The following NGEF variants were observed in gnomAD, a reference collection of about 807,000 sequenced individuals.
NGEF encodes ephexin-1.
In NGEF, 31 loss-of-function variants were observed where a neutral mutation model predicts 80.9. That is an observed-to-expected ratio of 0.38 (90% CI 0.29 to 0.52). The LOEUF is 0.52. Ranked by LOEUF, NGEF falls within the 20% of genes least tolerant of loss-of-function variation. The probability of loss-of-function intolerance (pLI) is 0.84; values close to 1 mark genes in which losing one functional copy is unlikely to be tolerated. For synonymous variants in NGEF, 371 were observed against 370.2 expected (o/e 1.00, Z -0.03); for missense variants, 709 against 926.2 (o/e 0.77, Z 3.04).
At chr2:232,949,591 C>T (rs1693634972) in intron 3 of NGEF, among the ~76,000 whole-genome samples, 1 of 149,992 alleles carries the variant, frequency 6.7e-6, no homozygotes, top group African/African-American at 2.5e-5. Context: ...GATTCTCCTG[C>T]CTCAGCCTCC....
intron 2 of NGEF, among the ~76,000 whole-genome samples, chr2:232,970,954 T>C (rs1411410295): frequency 6.6e-6 from 1 of 152,244 alleles, no homozygotes; most frequent in Non-Finnish European, 1.5e-5. Flanking sequence ...CGATTGGTGT[T>C]ATTTCTACTG....
intron 1 of NGEF, 196 bp downstream of exon 1, chr2:233,012,872 G>T: frequency 2.1e-6 from 1 of 471,030 alleles, no homozygotes; most frequent in South Asian, 1.5e-5. Flanking sequence ...TGAGTGCCAG[G>T]AGGGGCAGTG....
intron 3 of NGEF, among the ~76,000 whole-genome samples, chr2:232,962,163 G>C (rs541680997): frequency 1.2e-4 from 19 of 152,350 alleles, no homozygotes; most frequent in Non-Finnish European, 2.4e-4. Flanking sequence ...TACTCTCACT[G>C]CTTCTATTCA....
chr2:232,907,188 G>A (rs77509868), intron 5 of NGEF, among the ~76,000 whole-genome samples: 824 of 112,824 alleles, frequency 7.3e-3, no homozygotes, highest in Middle Eastern at 0.02. Context: ...AGAAAAAAAA[G>A]AAAAAAAAAA....
chr2:232,920,259 G>A (rs779041290), intron 5 of NGEF, 25 bp downstream of exon 5: 1 of 1,594,560 alleles, frequency 6.3e-7, no homozygotes, highest in East Asian at 2.2e-5. Flanking sequence ...CTGTGGGGGA[G>A]CCCCCGCCCC....
At chr2:232,998,576 G>A (rs1054788024) in intron 1 of NGEF, among the ~76,000 whole-genome samples, 15 of 152,198 alleles carry the variant, frequency 9.9e-5, no homozygotes, top group South Asian at 4.1e-4. Context: ...GCTACAGTCC[G>A]CTCAGTAAAG....
chr2:232,889,593 A>G (rs1004744053), intron 8 of NGEF, among the ~76,000 whole-genome samples: 4 of 152,230 alleles, frequency 2.6e-5, no homozygotes, highest in Admixed American at 1.3e-4. Context: ...TTTTCACTGC[A>G]TAATTAGGAA....
intron 3 of NGEF, among the ~76,000 whole-genome samples, chr2:232,927,496 C>T (rs909707822): frequency 6.6e-6 from 1 of 152,304 alleles, no homozygotes; most frequent in East Asian, 1.9e-4. Flanking sequence ...GGCGCCGCTC[C>T]GACAGCCCGA....
At chr2:232,954,947 C>T (rs558298325) in intron 3 of NGEF, among the ~76,000 whole-genome samples, 1 of 152,046 alleles carries the variant, frequency 6.6e-6, no homozygotes, top group South Asian at 2.1e-4. Context: ...AGGTCACGCA[C>T]GTTGGGGGCC....
chr2:232,986,984 T>C (rs1461284923), intron 1 of NGEF, among the ~76,000 whole-genome samples: 1 of 152,092 alleles, frequency 6.6e-6, no homozygotes, highest in Non-Finnish European at 1.5e-5. Context: ...ATAAATCAAG[T>C]GTTGGAGGCA....
intron 5 of NGEF, among the ~76,000 whole-genome samples, chr2:232,900,324 T>TCA (rs61726498): frequency 0.088 from 1,708 of 19,460 alleles, 604 homozygotes; most frequent in African/African-American, 0.11. Context: ...TCACATTCAC[T>TCA]CACACACGCT....
chr2:232,939,055 GT>G lies in NGEF; in HGVS notation c.384-11870del, dbSNP rs538730833. 6.6e-5 allele frequency among the ~76,000 whole-genome samples: 10 copies of G among 151,750 alleles called. 1 individual carries two copies. In the East Asian group the frequency reaches 1.9e-3, roughly 29 times the overall value. On this transcript the variant is annotated intron_variant, in intron 3 of 14. Transcript: ENST00000264051. The stretch of plus-strand genomic sequence containing the variant: ...TAGCTGGGTATGGTGGTGGGCACCT[GT>G]AATCCCAGCTACTTGGGAGGCTGAG...
At chr2:232,975,032 C>T (rs1324917436) in intron 1 of NGEF, 68 bp from the exon 2 acceptor site, 2 of 757,950 alleles carry the variant, frequency 2.6e-6, no homozygotes, top group Non-Finnish European at 4.1e-6. Context: ...GACTGTGGAA[C>T]TCCACTCCCA....
At chr2:232,928,281 G>C (rs1574617762) in intron 3 of NGEF, 1 of 607,994 alleles carries the variant, frequency 1.6e-6, no homozygotes, top group Non-Finnish European at 2.0e-6. Context: ...GGCGCGACCC[G>C]GGCCCCGCGA....
At chr2:232,883,197 T>A in intron 12 of NGEF, 114 bp downstream of exon 12, 1 of 1,290,952 alleles carries the variant, frequency 7.7e-7, no homozygotes, top group Non-Finnish European at 1.1e-6. Flanking sequence ...GCAGGTCGGC[T>A]CCACACAGAG....
chr2:232,983,346 G>T lies in NGEF; in HGVS notation c.-74-8382C>A, dbSNP rs1285215595. Among the ~76,000 whole-genome samples, 4 of 152,108 alleles carry T rather than the reference G, an allele frequency of 2.6e-5. No homozygotes were observed. The South Asian group carries it at 6.2e-4, about 24-fold the overall frequency. On this transcript the variant is annotated intron_variant, in intron 1 of 14. Coordinates refer to ENST00000264051, the MANE Select transcript of NGEF (RefSeq NM_019850.3). Reference sequence around the variant, plus strand: ...GAGGTAGAGAGGAGGGTCCCCGAGCGGTGAGGGAAGGAGGAGGGGACCTTT... The same window carrying T: ...GAGGTAGAGAGGAGGGTCCCCGAGCTGTGAGGGAAGGAGGAGGGGACCTTT...
intron 3 of NGEF, among the ~76,000 whole-genome samples, chr2:232,943,613 A>G (rs1693486684): frequency 1.3e-5 from 2 of 150,386 alleles, no homozygotes. Flanking sequence ...CTCCTGCCTC[A>G]GCCTCCCGAG....
intron 5 of NGEF, among the ~76,000 whole-genome samples, chr2:232,919,661 C>T (rs1023403199): frequency 8.5e-5 from 13 of 152,092 alleles, no homozygotes; most frequent in Non-Finnish European, 1.8e-4. Flanking sequence ...ATTATTTCTC[C>T]CTGCTAGCAA....
intron 1 of NGEF, among the ~76,000 whole-genome samples, chr2:233,005,375 A>G (rs558410624): frequency 6.6e-6 from 1 of 152,362 alleles, no homozygotes; most frequent in East Asian, 1.9e-4. Flanking sequence ...AGCAGGAAGC[A>G]GCCACCCTAC....
Sources: allele counts gnomAD v4.1 joint callset (sites outside exome capture counted in the v4.1 genomes callset), GRCh38; gene constraint gnomAD v4.1.1; transcripts MANE v1.5; gene names NCBI Gene and HGNC (gene_info 2026-07-23, HGNC 2026-07-21).